PDE8B: variants seen among roughly 807,000 people sequenced by gnomAD.
The protein encoded by PDE8B is phosphodiesterase 8B.
In PDE8B, 26 loss-of-function variants were observed where a neutral mutation model predicts 101.3. The ratio of observed to expected loss-of-function variants is 0.26; its 90% confidence interval spans 0.19 to 0.36. The LOEUF (loss-of-function observed/expected upper bound fraction) is 0.36. PDE8B is among the 10% of genes least tolerant of loss of function. The pLI is 1.00. For synonymous variants in PDE8B, 424 were observed against 429.3 expected, an observed-to-expected ratio of 0.99 and a Z score of 0.15; for missense variants, 810 against 1,163.1, an observed-to-expected ratio of 0.70 and a Z score of 4.42.
chr5:77,209,065 G>C (rs906975718), upstream of PDE8B, among the ~76,000 whole-genome samples: 1 of 152,138 alleles, frequency 6.6e-6, no homozygotes, highest in African/African-American at 2.4e-5. Context: ...CACCATCTCA[G>C]AATCTGCTTC....
the PDE8B span, among the ~76,000 whole-genome samples, chr5:77,102,142 G>A: frequency 1.3e-5 from 2 of 152,204 alleles, no homozygotes; most frequent in Non-Finnish European, 2.9e-5. Context: ...AATCCATATC[G>A]TGTGCGAGTG....
chr5:77,266,070 G>A (rs1284041896), intron 1 of PDE8B, among the ~76,000 whole-genome samples: 1 of 152,254 alleles, frequency 6.6e-6, no homozygotes, highest in Non-Finnish European at 1.5e-5. Context: ...GGGGCACCCA[G>A]CTGTTCAGCG....
intron 10 of PDE8B, among the ~76,000 whole-genome samples, chr5:77,364,516 C>A (rs1288059776): frequency 6.6e-6 from 1 of 152,138 alleles, no homozygotes; most frequent in African/African-American, 2.4e-5. Flanking sequence ...TTCTTCCTTC[C>A]GCTTCTCACC....
At chr5:77,248,175 G>A (rs931294392) in intron 1 of PDE8B, among the ~76,000 whole-genome samples, 3 of 152,194 alleles carry the variant, frequency 2.0e-5, no homozygotes, top group African/African-American at 7.2e-5. Flanking sequence ...ACAACTGAGG[G>A]CTAATGAGCA....
chr5:77,373,027 C>CA (rs35287095), intron 10 of PDE8B, among the ~76,000 whole-genome samples: 56 of 144,076 alleles, frequency 3.9e-4, no homozygotes, highest in African/African-American at 9.3e-4. Flanking sequence ...GACTTCATCT[C>CA]AAAAAAAAAA....
chr5:77,113,859 G>A, the PDE8B span: 1 of 152,290 alleles, frequency 6.6e-6, no homozygotes, highest in African/African-American at 2.4e-5. Flanking sequence ...CAAAGGATAT[G>A]AACAGACACT....
chr5:77,162,294 G>A, the PDE8B span, among the ~76,000 whole-genome samples: 2 of 151,994 alleles, frequency 1.3e-5, no homozygotes, highest in South Asian at 2.1e-4. Context: ...ATCAATGGAG[G>A]AATAAATCAT....
Position 77,291,280 on chromosome 5 carries a change from A to G in PDE8B, c.340-20714A>G, listed in dbSNP as rs1767278161. 16 of 1,612,942 alleles carry G rather than the reference A, an allele frequency of 9.9e-6. No homozygotes were observed. The South Asian group carries it at 1.4e-4, about 14-fold the overall frequency. ...CGAGTTGGGAACCCATGGGACCCTAATGTTCTCTATGGGCCACTCCACACC... is the reference window on the plus strand; with the variant it reads ...CGAGTTGGGAACCCATGGGACCCTAGTGTTCTCTATGGGCCACTCCACACC... On this transcript the variant is annotated intron_variant, in intron 1 of 21. Transcript: ENST00000264917.
intron 1 of PDE8B, among the ~76,000 whole-genome samples, chr5:77,267,794 C>T (rs983922035): frequency 3.9e-5 from 6 of 152,006 alleles, no homozygotes; most frequent in Non-Finnish European, 4.4e-5. Context: ...TTATGGTATG[C>T]GAAGTGATTA....
At chr5:77,113,748 T>A in the PDE8B span, 1 of 152,166 alleles carries the variant, frequency 6.6e-6, no homozygotes, top group Admixed American at 6.5e-5. Flanking sequence ...GGGAAACAAT[T>A]TTTGCAATCT....
chr5:77,250,906 A>G (rs1757932405), intron 1 of PDE8B, among the ~76,000 whole-genome samples: 1 of 152,198 alleles, frequency 6.6e-6, no homozygotes, highest in South Asian at 2.1e-4. Flanking sequence ...CATGAGATGT[A>G]TTTTTCTTTG....
chr5:77,400,608 T>C (rs1375819561), intron 11 of PDE8B, among the ~76,000 whole-genome samples: 1 of 152,212 alleles, frequency 6.6e-6, no homozygotes, highest in Non-Finnish European at 1.5e-5. Flanking sequence ...ACTGGTTGAA[T>C]ATGACACAGG....
chr5:77,279,607 A>T (rs1414190419), intron 1 of PDE8B, among the ~76,000 whole-genome samples: 1 of 152,208 alleles, frequency 6.6e-6, no homozygotes, highest in African/African-American at 2.4e-5. Context: ...TCTTTTAATT[A>T]TCACAAGAAG....
At chr5:77,246,527 G>GA (rs1252032615) in intron 1 of PDE8B, among the ~76,000 whole-genome samples, 1 of 152,092 alleles carries the variant, frequency 6.6e-6, no homozygotes, top group South Asian at 2.1e-4. Context: ...AAAGTTAGAA[G>GA]AAAAAAACAT....
chr5:77,170,470 G>T, the PDE8B span, among the ~76,000 whole-genome samples: 1 of 152,180 alleles, frequency 6.6e-6, no homozygotes. Context: ...TCTGCCTGGG[G>T]ATGTCAGAGA....
chr5:77,097,732 TAC>T, the PDE8B span, among the ~76,000 whole-genome samples: 3 of 65,228 alleles, frequency 4.6e-5, no homozygotes, highest in South Asian at 5.4e-4. Context: ...TATATATATA[TAC>T]ATACATATGA....
intron 6 of PDE8B, among the ~76,000 whole-genome samples, chr5:77,337,979 T>C (rs1236070302): frequency 6.6e-6 from 1 of 152,176 alleles, no homozygotes; most frequent in African/African-American, 2.4e-5. Context: ...TTGCTCAGGC[T>C]CCACTCTGGC....
upstream of PDE8B, chr5:77,210,657 G>A (rs896971122): frequency 2.0e-6 from 2 of 980,904 alleles, no homozygotes; most frequent in Non-Finnish European, 2.4e-6. This position sits in a 1 kb window ranked among gnomAD's most constrained non-coding sequence, Gnocchi z 4.9. Flanking sequence ...GAGGGTGGCG[G>A]CCGCTGGTGC....
At chr5:77,203,017 T>C in the PDE8B span, among the ~76,000 whole-genome samples, 1 of 152,250 alleles carries the variant, frequency 6.6e-6, no homozygotes, top group Non-Finnish European at 1.5e-5. Context: ...TACAGTCTTA[T>C]TGAAAACATC....
Sources: allele counts gnomAD v4.1 joint callset (sites outside exome capture counted in the v4.1 genomes callset), GRCh38; gene constraint gnomAD v4.1.1; non-coding constraint Gnocchi (gnomAD v3.1); transcripts MANE v1.5; gene names NCBI Gene and HGNC (gene_info 2026-07-23, HGNC 2026-07-21).